The following PCCA variants were observed in gnomAD, a reference collection of about 807,000 sequenced individuals.
PCCA encodes the protein propionyl-CoA carboxylase subunit alpha, also known as propionyl-CoA carboxylase alpha chain, mitochondrial.
A neutral mutation model predicts 101.3 loss-of-function variants in PCCA; 74 were observed. The ratio of observed to expected loss-of-function variants is 0.73; its 90% CI spans 0.61 to 0.89. The LOEUF is 0.89. Ranked by LOEUF, PCCA falls within the 40% of genes least tolerant of loss-of-function variation. The pLI is 0.00. For synonymous variants in PCCA, 294 were observed against 313.6 expected, an observed-to-expected ratio of 0.94 and a Z score of 0.66; for missense variants, 891 against 907.0, an observed-to-expected ratio of 0.98 and a Z score of 0.23.
At position 100,268,775 on chromosome 13, in the gene PCCA, A is replaced by G; in HGVS notation, c.906A>G (p.Glu302=). The G allele has an allele frequency of 6.2e-7, 1 of 1,610,232 alleles. No individual in the cohort carries two copies. Among genetic ancestry groups the G allele is most frequent in the South Asian group, 1.1e-5 (1 of 90,980 alleles). The stretch of plus-strand genomic sequence containing the variant: ...GAAGAAATCAGAAGGTGGTGGAGGA[A>G]GCACCAAGGTAAGTCTCCTAAGAAA... ...IQRRNQKVVE[E]APSIFLDAET... Residue 302 remains glutamate, a synonymous_variant, in exon 11 of 24, where the codon GAA becomes GAG. Transcript: ENST00000376285.
intron 4 of PCCA, among the ~76,000 whole-genome samples, chr13:100,138,589 G>A (rs2051460533): frequency 6.6e-6 from 1 of 152,076 alleles, no homozygotes; most frequent in Admixed American, 6.6e-5. Flanking sequence ...ACTTCCTTAA[G>A]CAGTTTTAGA....
chr13:100,485,481 T>C lies in PCCA; in HGVS notation c.1900-29946T>C, dbSNP rs532210713. ...ACATGTGTGGTGAGCATTTCTAGAG[T>C]TGAGTTATTGCTTAGGTCAATTGTA... On this transcript the variant is annotated intron_variant, in intron 21 of 23. Coordinates refer to ENST00000376285, the MANE Select transcript of PCCA (RefSeq NM_000282.4). 2.1e-4 allele frequency among the ~76,000 whole-genome samples: 32 copies of C among 152,318 alleles called. No individual in the cohort carries two copies. In the South Asian group the frequency reaches 6.2e-3, roughly 30 times the overall value.
At chr13:100,248,914 T>A (rs563580589) in intron 8 of PCCA, among the ~76,000 whole-genome samples, 37 of 144,602 alleles carry the variant, frequency 2.6e-4, no homozygotes, top group Middle Eastern at 3.6e-3. Context: ...GCCTGGCTAA[T>A]TTTTTTTTTT....
chr13:100,089,894 A>G (rs2046119296), intron 1 of PCCA, among the ~76,000 whole-genome samples: 1 of 152,190 alleles, frequency 6.6e-6, no homozygotes, highest in Non-Finnish European at 1.5e-5. Flanking sequence ...CTAGGCTGTC[A>G]TGATGGCAGA....
intron 21 of PCCA, among the ~76,000 whole-genome samples, chr13:100,486,795 C>T (rs1262956313): frequency 2.0e-5 from 3 of 152,058 alleles, no homozygotes; most frequent in African/African-American, 7.2e-5. Context: ...GATACATGCC[C>T]ATGACCCCAG....
chr13:100,288,432 G>A lies in PCCA; in HGVS notation c.1066-13028G>A, dbSNP rs954641066. Among the ~76,000 whole-genome samples the A allele has an allele frequency of 4.6e-5, 7 of 152,286 alleles. No individual in the cohort carries two copies. In the South Asian group the frequency reaches 1.4e-3, roughly 32 times the overall value. ...CCACCCCAGCCGCCCAGGTAGCTGG[G>A]ACTACAGGCATGCATCACCACGCCT... is the stretch of plus-strand genomic sequence containing the variant. On this transcript the variant is annotated intron_variant, in intron 12 of 23. Transcript: ENST00000376285.
intron 19 of PCCA, among the ~76,000 whole-genome samples, chr13:100,383,499 A>G (rs2076340909): frequency 6.6e-6 from 1 of 151,796 alleles, no homozygotes; most frequent in Admixed American, 6.6e-5. Flanking sequence ...AGCCTCAGCT[A>G]CTCAGGAGGC....
chr13:100,237,364 C>A (rs1206980869), intron 8 of PCCA: 1 of 152,128 alleles, frequency 6.6e-6, no homozygotes, highest in Non-Finnish European at 1.5e-5. Flanking sequence ...TAAGACCAGA[C>A]CATAGAAAAT....
chr13:100,318,188 G>A (rs367764818), intron 16 of PCCA, among the ~76,000 whole-genome samples: 79 of 152,134 alleles, frequency 5.2e-4, no homozygotes, highest in Non-Finnish European at 1.0e-3. Flanking sequence ...CCTATCACAC[G>A]CTGAATGCCT....
chr13:100,322,936 C>T (rs188398692), intron 16 of PCCA, among the ~76,000 whole-genome samples: 8 of 152,262 alleles, frequency 5.3e-5, no homozygotes, highest in South Asian at 2.1e-4. Flanking sequence ...TAACTAGTTG[C>T]GCAGTTTCCC....
intron 6 of PCCA, among the ~76,000 whole-genome samples, chr13:100,188,332 C>A (rs12870630): frequency 0.21 from 30,103 of 140,544 alleles, 3,530 homozygotes; most frequent in African/African-American, 0.34. Flanking sequence ...AACAAAAACA[C>A]AAAGAAAGAA....
intron 15 of PCCA, among the ~76,000 whole-genome samples, chr13:100,308,615 C>A (rs1409103813): frequency 6.6e-6 from 1 of 152,054 alleles, no homozygotes; most frequent in East Asian, 1.9e-4. Context: ...CGTGAGCCAC[C>A]GTGGTTGGCC....
intron 18 of PCCA, among the ~76,000 whole-genome samples, chr13:100,356,639 T>A (rs2073989347): frequency 6.6e-6 from 1 of 152,128 alleles, no homozygotes; most frequent in African/African-American, 2.4e-5. Flanking sequence ...TACAGTGATA[T>A]GAACTTGGGA....
chr13:100,171,766 C>T (rs746279143), intron 6 of PCCA, among the ~76,000 whole-genome samples: 10 of 151,958 alleles, frequency 6.6e-5, no homozygotes, highest in Non-Finnish European at 1.3e-4. Flanking sequence ...GGCGCGGTGG[C>T]TCACGCCTGT....
intron 20 of PCCA, among the ~76,000 whole-genome samples, chr13:100,431,145 GTTT>G (rs750442737): frequency 9.9e-5 from 15 of 152,066 alleles, no homozygotes; most frequent in Non-Finnish European, 2.1e-4. Flanking sequence ...TGACTGGTGG[GTTT>G]AGATGGCATC....
chr13:100,177,903 G>A (rs2056394233), intron 6 of PCCA, among the ~76,000 whole-genome samples: 1 of 152,006 alleles, frequency 6.6e-6, no homozygotes, highest in African/African-American at 2.4e-5. Context: ...CTGTGAAGGA[G>A]ATCTTTTTTT....
intron 2 of PCCA, among the ~76,000 whole-genome samples, chr13:100,111,441 G>A (rs1339517380): frequency 6.6e-6 from 1 of 152,030 alleles, no homozygotes; most frequent in African/African-American, 2.4e-5. Context: ...GATTACAGGC[G>A]TGAGCCACTG....
chr13:100,222,108 C>T (rs2059854104), intron 7 of PCCA, among the ~76,000 whole-genome samples: 1 of 151,648 alleles, frequency 6.6e-6, no homozygotes, highest in Admixed American at 6.6e-5. Flanking sequence ...GTGGCACAAT[C>T]TGGACTCACT....
rs142289178 is a variant in PCCA at position 100,368,660 on chromosome 13, G to A, written c.1746+86G>A. The A allele has an allele frequency of 5.9e-4, 497 of 839,548 alleles. 2 individuals are homozygous for A. The highest frequency in any genetic ancestry group is 8.9e-4 in the Non-Finnish European group (434 of 490,180). 52.0% of individuals were successfully genotyped at this position (839,548 alleles called of 1,614,324 possible). A position where few individuals can be genotyped will look rare whatever the true frequency, so the allele number is the denominator to read the frequency against. On this transcript the variant is annotated intron_variant, in intron 19 of 23. Transcript: ENST00000376285. The stretch of plus-strand genomic sequence containing the variant: ...ATTTTTAACCTGTTCAGTGACTCTC[G>A]TCTTTTGAATTTGTAGTACCTCTAT...
Sources: allele counts gnomAD v4.1 joint callset (sites outside exome capture counted in the v4.1 genomes callset), GRCh38; gene constraint gnomAD v4.1.1; transcripts MANE v1.5; gene names NCBI Gene and HGNC (gene_info 2026-07-23, HGNC 2026-07-21).